The following AGBL4 variants were observed in gnomAD, a reference collection of about 807,000 sequenced individuals.
AGBL4 encodes the protein AGBL carboxypeptidase 4, also known as cytosolic carboxypeptidase 6.
In AGBL4, 58 loss-of-function variants were observed where a neutral mutation model predicts 66.4. That is an observed-to-expected ratio of 0.87 (90% confidence interval 0.71 to 1.09). AGBL4 has a LOEUF of 1.09. Ranked by LOEUF, AGBL4 falls within the 50% of genes least tolerant of loss-of-function variation. AGBL4 has a pLI of 0.00. For missense variants in AGBL4, 579 were observed against 631.0 expected (o/e 0.92, Z 0.88); for synonymous variants, 234 against 222.9 (o/e 1.05, Z -0.44).
chr1:49,420,980 G>A (rs1645533767), intron 3 of AGBL4, among the ~76,000 whole-genome samples: 1 of 152,116 alleles, frequency 6.6e-6, no homozygotes, highest in Non-Finnish European at 1.5e-5. Flanking sequence ...AGCAATGCTA[G>A]AACACAAGTA....
chr1:48,901,062 A>T (rs1652034376), intron 5 of AGBL4, among the ~76,000 whole-genome samples: 1 of 152,224 alleles, frequency 6.6e-6, no homozygotes. Flanking sequence ...CGGGCAAAAG[A>T]TCTGAACAGA....
At chr1:49,366,048 T>C (rs2148544256) in intron 3 of AGBL4, among the ~76,000 whole-genome samples, 1 of 152,274 alleles carries the variant, frequency 6.6e-6, no homozygotes, top group South Asian at 2.1e-4. Context: ...TTCCCATGCT[T>C]AAGACTCTCC....
At chr1:49,987,086 C>A (rs1017873292) in intron 1 of AGBL4, among the ~76,000 whole-genome samples, 4 of 151,808 alleles carry the variant, frequency 2.6e-5, no homozygotes, top group African/African-American at 9.7e-5. Flanking sequence ...TACAGCCACT[C>A]AAGGGAAAAA....
At chr1:48,840,471 C>G (rs1646773892) in intron 6 of AGBL4, among the ~76,000 whole-genome samples, 1 of 152,162 alleles carries the variant, frequency 6.6e-6, no homozygotes, top group Admixed American at 6.5e-5. Context: ...AGATACCTAA[C>G]AGTGTAGGAG....
chr1:49,423,573 G>A (rs1220510299), intron 3 of AGBL4, among the ~76,000 whole-genome samples: 1 of 152,098 alleles, frequency 6.6e-6, no homozygotes, highest in Non-Finnish European at 1.5e-5. Context: ...ACTTTGGGAG[G>A]CCAAGGTGGG....
At chr1:49,281,647 G>T (rs1457577221) in intron 3 of AGBL4, among the ~76,000 whole-genome samples, 1 of 152,198 alleles carries the variant, frequency 6.6e-6, no homozygotes. Context: ...ATTTGGCTTT[G>T]TCCTCAGTTT....
chr1:48,606,969 A>G (rs1172324714), intron 9 of AGBL4, among the ~76,000 whole-genome samples: 2 of 152,106 alleles, frequency 1.3e-5, no homozygotes, highest in Admixed American at 6.5e-5. Flanking sequence ...ACTTTAAAGG[A>G]GTTACTTTAT....
intron 3 of AGBL4, among the ~76,000 whole-genome samples, chr1:49,453,460 G>A (rs955762947): frequency 5.3e-5 from 8 of 151,668 alleles, no homozygotes; most frequent in African/African-American, 1.9e-4. Context: ...AAGAGCCTCA[G>A]CCCTCTCTAT....
At chr1:49,296,921 G>A (rs779855697) in intron 3 of AGBL4, among the ~76,000 whole-genome samples, 15 of 152,144 alleles carry the variant, frequency 9.9e-5, no homozygotes, top group Non-Finnish European at 4.4e-5. Context: ...TAACCAAGTG[G>A]CACAATAGAC....
chr1:49,658,872 G>A (rs1045104818), intron 3 of AGBL4, among the ~76,000 whole-genome samples: 5 of 151,878 alleles, frequency 3.3e-5, no homozygotes, highest in African/African-American at 9.7e-5. Context: ...GTGGGGGAAT[G>A]GGGGGAGGGA....
intron 6 of AGBL4, among the ~76,000 whole-genome samples, chr1:48,715,976 GGA>G (rs1467628077): frequency 2.0e-5 from 3 of 152,132 alleles, no homozygotes; most frequent in African/African-American, 7.2e-5. Flanking sequence ...GAACTGCAGT[GGA>G]GCAAGCCAAC....
chr1:49,753,966 C>T (rs1366317540), intron 2 of AGBL4, among the ~76,000 whole-genome samples: 1 of 152,144 alleles, frequency 6.6e-6, no homozygotes, highest in South Asian at 2.1e-4. Context: ...GTTAGCAGTT[C>T]CTGTAACATT....
chr1:49,183,810 C>T (rs1255498675), intron 4 of AGBL4, among the ~76,000 whole-genome samples: 2 of 152,296 alleles, frequency 1.3e-5, no homozygotes, highest in South Asian at 2.1e-4. Context: ...CAAGAGTCAA[C>T]TCAAACACTG....
chr1:48,777,750 C>T (rs1051454552), intron 6 of AGBL4, among the ~76,000 whole-genome samples: 10 of 152,174 alleles, frequency 6.6e-5, no homozygotes, highest in African/African-American at 2.4e-4. Context: ...CTCCACAGCA[C>T]GCCCACCACT....
chr1:48,760,816 T>C lies in AGBL4; in HGVS notation c.635-97575A>G, dbSNP rs919976764. 3.3e-5 allele frequency among the ~76,000 whole-genome samples: 5 copies of C among 152,308 alleles called. No homozygotes were observed. The South Asian group carries it at 1.0e-3, about 32-fold the overall frequency. ...TTGCCGAACAAGATTTTCAGCAGTTTCCAAAGTGAAGGCTGGAGACCAACT... is the reference window on the plus strand; with the variant it reads ...TTGCCGAACAAGATTTTCAGCAGTTCCCAAAGTGAAGGCTGGAGACCAACT... On this transcript the variant is annotated intron_variant, in intron 6 of 13. Coordinates refer to ENST00000371839, the MANE Select transcript of AGBL4 (RefSeq NM_032785.4).
chr1:48,897,088 G>A (rs1651591875), intron 5 of AGBL4, among the ~76,000 whole-genome samples: 1 of 152,166 alleles, frequency 6.6e-6, no homozygotes, highest in South Asian at 2.1e-4. Context: ...TAAGTGTTCA[G>A]TTCAGTGGTA....
chr1:48,568,645 C>G (rs1353795902), intron 11 of AGBL4, among the ~76,000 whole-genome samples: 1 of 152,200 alleles, frequency 6.6e-6, no homozygotes, highest in Non-Finnish European at 1.5e-5. Flanking sequence ...CAGCCCTTCC[C>G]TGTACTTGAA....
intron 7 of AGBL4, among the ~76,000 whole-genome samples, chr1:48,659,190 T>G (rs1392103002): frequency 8.5e-6 from 1 of 117,734 alleles, no homozygotes; most frequent in Non-Finnish European, 1.8e-5. Flanking sequence ...TACCTGTGCC[T>G]GGGGCTGACC....
In AGBL4 at chr1:49,058,314, C is replaced by T. The variant is rs1024389774; in HGVS notation, c.378-12514G>A. On this transcript the variant is annotated intron_variant, in intron 4 of 13. Coordinates refer to ENST00000371839, the MANE Select transcript of AGBL4 (RefSeq NM_032785.4). ...GCAGGAGGTAATTGAATCATGGGGG[C>T]GGTTACCCCCATGCTGCTGTTCTTG... Among the ~76,000 whole-genome samples, 5 of 152,036 alleles carry T rather than the reference C, an allele frequency of 3.3e-5. No individual in the cohort carries two copies. In the South Asian group the frequency reaches 6.2e-4, roughly 19 times the overall value.
Sources: gnomAD v4.1 joint callset for allele counts (sites outside exome capture counted in the v4.1 genomes callset) on GRCh38, gnomAD v4.1.1 for gene constraint, MANE v1.5 for transcripts, NCBI Gene and HGNC (gene_info 2026-07-23, HGNC 2026-07-21) for gene names.